The following SFI1 variants were observed in gnomAD, a reference collection of about 807,000 sequenced individuals.
SFI1 encodes the protein SFI1 centrin binding protein, also known as protein SFI1 homolog.
In SFI1, 195 loss-of-function variants were observed where a neutral mutation model predicts 207.5. The ratio of observed to expected loss-of-function variants is 0.94; its 90% CI spans 0.84 to 1.06. The LOEUF is 1.06. SFI1 is among the 50% of genes least tolerant of loss of function. SFI1 has a pLI of 0.00. For missense variants in SFI1, 1,634 were observed against 1,588.0 expected (o/e 1.03, Z -0.49); for synonymous variants, 630 against 598.9 (o/e 1.05, Z -0.76).
chr22:31,555,583 G>A (rs2061084704), intron 6 of SFI1, among the ~76,000 whole-genome samples: 1 of 152,104 alleles, frequency 6.6e-6, no homozygotes, highest in Non-Finnish European at 1.5e-5. Context: ...TCCATACTCT[G>A]GAAAGAGCAG....
chr22:31,596,698 C>T (rs1256787700), intron 15 of SFI1, among the ~76,000 whole-genome samples: 2 of 150,176 alleles, frequency 1.3e-5, no homozygotes, highest in Non-Finnish European at 3.0e-5. Flanking sequence ...GCAGGAGAAT[C>T]GCTTGAACCT....
At chr22:31,594,560 AAAG>A (rs530963939) in intron 15 of SFI1, among the ~76,000 whole-genome samples, 34,056 of 118,012 alleles carry the variant, frequency 0.29, 6,033 homozygotes, top group East Asian at 0.43. Context: ...AAAAAAAAAA[AAAG>A]AAAAGAAAAA....
At chr22:31,496,286 C>T (rs1435887685), upstream of SFI1, 1 of 152,288 alleles carries the variant, frequency 6.6e-6, no homozygotes, top group Non-Finnish European at 1.5e-5. Context: ...GCAAGCTGAG[C>T]TCAGAGCGAA....
intron 2 of SFI1, among the ~76,000 whole-genome samples, chr22:31,512,306 G>A (rs561043285): frequency 4.0e-5 from 6 of 149,112 alleles, no homozygotes; most frequent in African/African-American, 1.5e-4. Flanking sequence ...GGTAAGCTGA[G>A]ATTGTGCCAT....
At chr22:31,496,832 G>A (rs1474462908) in intron 1 of SFI1, among the ~76,000 whole-genome samples, 195 bp downstream of exon 1, 3 of 152,216 alleles carry the variant, frequency 2.0e-5, no homozygotes, top group Non-Finnish European at 2.9e-5. Flanking sequence ...TGCGACAAGA[G>A]GGCGCAGGAC....
chr22:31,618,059 G>T, intron 31 of SFI1, 56 bp from the exon 32 acceptor site: 1 of 1,523,524 alleles, frequency 6.6e-7, no homozygotes, highest in South Asian at 1.2e-5. Flanking sequence ...CCCTGAGCCG[G>T]ATGGGGCTCT....
At chr22:31,603,614 G>A in intron 17 of SFI1, 130 bp from the exon 18 acceptor site, 1 of 653,554 alleles carries the variant, frequency 1.5e-6, no homozygotes, top group Non-Finnish European at 2.3e-6. Flanking sequence ...TTCTTTGGCA[G>A]CTCTTCAGAG....
chr22:31,550,160 C>A (rs2060493158), intron 5 of SFI1, 94 bp from the exon 6 acceptor site: 15 of 857,984 alleles, frequency 1.7e-5, no homozygotes, highest in Admixed American at 2.3e-5. Context: ...AACTCCTTGC[C>A]TTGGCCTCCC....
intron 1 of SFI1, 97 bp from the exon 2 acceptor site, chr22:31,508,158 G>A (rs543771430): frequency 3.8e-4 from 265 of 689,232 alleles, no homozygotes; most frequent in Non-Finnish European, 6.7e-4. Context: ...TTGAATTAAG[G>A]AGAGCAGGAG....
At position 31,611,824 on chromosome 22, in the gene SFI1, G is replaced by A. The variant is rs199808618; in HGVS notation, c.2474G>A (p.Arg825His). 607 of 1,613,916 alleles carry A rather than the reference G, an allele frequency of 3.8e-4. 2 individuals carry two copies. In the African/African-American group the frequency reaches 6.6e-3, roughly 18 times the overall value. The change falls in exon 24 of 33, where the codon CGC (arginine) becomes CAC (histidine). Residue 825 changes from arginine (R) to histidine (H), a missense_variant. Transcript: ENST00000400288. ...LAQRLSRTCFRQWRQQLAARR... is the reference protein window; with the variant it reads ...LAQRLSRTCFHQWRQQLAARR... The stretch of plus-strand genomic sequence containing the variant: ...CAGAGACTCAGCCGGACCTGCTTCC[G>A]CCAGTGGAGACAACAGGTGGGAACC...
intron 4 of SFI1, among the ~76,000 whole-genome samples, chr22:31,536,995 C>T (rs913266292): frequency 6.6e-6 from 1 of 151,992 alleles, no homozygotes; most frequent in Non-Finnish European, 1.5e-5. Flanking sequence ...AGCGATCCTC[C>T]CTGCTCTGCC....
At chr22:31,579,678 C>G (rs2063888963) in intron 11 of SFI1, among the ~76,000 whole-genome samples, 1 of 152,090 alleles carries the variant, frequency 6.6e-6, no homozygotes. Flanking sequence ...TCTTGAACTC[C>G]TGTGCTCAAG....
intron 2 of SFI1, among the ~76,000 whole-genome samples, chr22:31,524,970 T>C (rs1041203124): frequency 6.6e-5 from 10 of 151,836 alleles, no homozygotes; most frequent in Non-Finnish European, 1.5e-4. Context: ...AATTTTGTAT[T>C]TTTAGTAGAG....
At chr22:31,595,073 G>A (rs1023616543) in intron 15 of SFI1, among the ~76,000 whole-genome samples, 1 of 151,760 alleles carries the variant, frequency 6.6e-6, no homozygotes, top group Admixed American at 6.6e-5. Flanking sequence ...CTTGACTCAC[G>A]GCAAACTCCA....
At chr22:31,571,598 A>C (rs554245018) in intron 8 of SFI1, among the ~76,000 whole-genome samples, 2 of 151,938 alleles carry the variant, frequency 1.3e-5, no homozygotes, top group East Asian at 3.9e-4. Flanking sequence ...TACAGGTGTG[A>C]GCCACCCCGC....
rs1463481536 is a variant in SFI1 at position 31,602,383 on chromosome 22, C to T, written c.1626+90C>T. 15 of 1,355,408 alleles carry T rather than the reference C, an allele frequency of 1.1e-5. No homozygotes were observed. In the African/African-American group the frequency reaches 1.1e-4, roughly 10 times the overall value. The allele number at this position is 1,355,408 out of a possible 1,614,324, so 84.0% of individuals were successfully genotyped here. Reference sequence around the variant, plus strand: ...GGCCTCCCCTCCTCAGGAAGTTGCTCGGACCTCACTGGAGGGCCCCTGCCT... The same window carrying T: ...GGCCTCCCCTCCTCAGGAAGTTGCTTGGACCTCACTGGAGGGCCCCTGCCT... On this transcript the variant is annotated intron_variant, in intron 16 of 32. Coordinates refer to ENST00000400288, the MANE Select transcript of SFI1 (RefSeq NM_001007467.3).
At chr22:31,545,877 C>CTTTTTTTTTTT (rs770151262) in intron 4 of SFI1, among the ~76,000 whole-genome samples, 2 of 99,526 alleles carry the variant, frequency 2.0e-5, no homozygotes, top group African/African-American at 4.1e-5. Context: ...CCGTGTCCAG[C>CTTTTTTTTTTT]TTTTTTTTTT....
At position 31,604,916 on chromosome 22, in the gene SFI1, G is replaced by C. The variant is rs370776405; in HGVS notation, c.2025G>C (p.Arg675Ser). Residue 675 changes from arginine to serine, a missense_variant, in exon 20 of 33, where the codon AGG becomes AGC. Physicochemically the swap from Arg to Ser is moderately radical, Grantham distance 110. Coordinates refer to ENST00000400288, the MANE Select transcript of SFI1 (RefSeq NM_001007467.3). ...VRSILREVAA[R>S]ESQHNRQLLR... ...GCATCCTCCGGGAGGTGGCAGCCAG[G>C]GAGAGCCAGCACAACAGGCAGCTGC... 1.5e-4 allele frequency: 241 copies of C among 1,611,294 alleles called. No homozygotes were observed. The highest frequency in any genetic ancestry group is 1.9e-4 in the Non-Finnish European group (225 of 1,178,738).
chr22:31,557,560 C>CA (rs201973961), intron 7 of SFI1, among the ~76,000 whole-genome samples: 1,785 of 152,200 alleles, frequency 0.012, 9 homozygotes, highest in Middle Eastern at 0.031. Context: ...TTTATAAGAT[C>CA]GATTTTCACA....
Sources: allele counts gnomAD v4.1 joint callset (sites outside exome capture counted in the v4.1 genomes callset), GRCh38; gene constraint gnomAD v4.1.1; transcripts MANE v1.5; gene names NCBI Gene and HGNC (gene_info 2026-07-23, HGNC 2026-07-21).